Variants in CDK12 observed in about 807,000 individuals in gnomAD.
CDK12 encodes the protein cyclin-dependent kinase 12.
In CDK12, 17 loss-of-function variants were observed where a neutral mutation model predicts 133.8. That is an observed-to-expected ratio of 0.13 (90% CI 0.09 to 0.19). The LOEUF (loss-of-function observed/expected upper bound fraction) is 0.19. Among genes scored for constraint, CDK12 ranks in the 10% least tolerant of loss-of-function variants. The probability of loss-of-function intolerance (pLI) is 1.00; values close to 1 mark genes in which losing one functional copy is unlikely to be tolerated. For synonymous variants in CDK12, 694 were observed against 683.6 expected, an observed-to-expected ratio of 1.02 and a Z score of -0.24; for missense variants, 1,508 against 1,818.7, an observed-to-expected ratio of 0.83 and a Z score of 3.11.
intron 2 of CDK12, among the ~76,000 whole-genome samples, chr17:39,486,722 A>G (rs1018718908): frequency 2.0e-5 from 3 of 151,588 alleles, no homozygotes; most frequent in East Asian, 2.0e-4. Flanking sequence ...TAAAAAATCT[A>G]TGTTGGTGGG....
intron 13 of CDK12, among the ~76,000 whole-genome samples, chr17:39,528,631 A>T (rs1216755716): frequency 6.6e-6 from 1 of 152,190 alleles, no homozygotes; most frequent in South Asian, 2.1e-4. Flanking sequence ...CACCATGCCC[A>T]GCCTTTGCTA....
At chr17:39,497,529 C>G (rs1165016422) in intron 5 of CDK12, among the ~76,000 whole-genome samples, 1 of 147,118 alleles carries the variant, frequency 6.8e-6, no homozygotes, top group Non-Finnish European at 1.5e-5. Flanking sequence ...GGCAACAGAG[C>G]AAGACTCTGT....
intron 3 of CDK12, among the ~76,000 whole-genome samples, chr17:39,560,648 T>A (rs2056339530): frequency 6.6e-6 from 1 of 152,156 alleles, no homozygotes; most frequent in African/African-American, 2.4e-5. Context: ...AGAGAGATGT[T>A]GGGGGCAGGG....
At chr17:39,552,074 G>A (rs1350086824) in intron 2 of CDK12, among the ~76,000 whole-genome samples, 1 of 151,884 alleles carries the variant, frequency 6.6e-6, no homozygotes, top group Non-Finnish European at 1.5e-5. Flanking sequence ...CCTGAGAAGA[G>A]CAAGATCTGC....
intron 1 of CDK12, among the ~76,000 whole-genome samples, chr17:39,463,837 G>A (rs2049114122): frequency 6.6e-6 from 1 of 151,602 alleles, no homozygotes; most frequent in Non-Finnish European, 1.5e-5. Flanking sequence ...TTATATTTTT[G>A]CGAGAAAGGC....
chr17:39,529,211 A>T (rs551722461), intron 13 of CDK12, among the ~76,000 whole-genome samples: 2 of 152,256 alleles, frequency 1.3e-5, no homozygotes, highest in African/African-American at 2.4e-5. Flanking sequence ...CCCTGCTTGG[A>T]TGTTACATGT....
intron 9 of CDK12, 74 bp downstream of exon 9, chr17:39,515,882 A>G (rs1167777154): frequency 1.3e-5 from 12 of 946,408 alleles, no homozygotes; most frequent in Non-Finnish European, 2.0e-5. Context: ...AACACTTTCT[A>G]GTCATTCTGA....
At chr17:39,550,477 G>A (rs2055909941) in intron 1 of CDK12, 1 of 152,454 alleles carries the variant, frequency 6.6e-6, no homozygotes, top group South Asian at 2.1e-4. Context: ...GTTTTGTCTG[G>A]TTGGGCTTGT....
intron 9 of CDK12, 22 bp from the exon 10 acceptor site, chr17:39,517,418 C>A: frequency 1.4e-6 from 2 of 1,419,224 alleles, no homozygotes; most frequent in Non-Finnish European, 2.0e-6. Flanking sequence ...CTCCATTGTT[C>A]TTGCTTTTGC....
chr17:39,506,796 T>G (rs1165605237), intron 6 of CDK12, among the ~76,000 whole-genome samples: 1 of 152,192 alleles, frequency 6.6e-6, no homozygotes, highest in Non-Finnish European at 1.5e-5. Context: ...TCAGAAAGGA[T>G]TCTCCAGATA....
chr17:39,474,692 A>G (rs1411669955), intron 2 of CDK12, among the ~76,000 whole-genome samples: 1 of 151,738 alleles, frequency 6.6e-6, no homozygotes, highest in Non-Finnish European at 1.5e-5. Context: ...TCTGTTCTTT[A>G]GAGAAGATGC....
chr17:39,537,753 A>G (rs1244056580), downstream of CDK12, among the ~76,000 whole-genome samples: 1 of 151,744 alleles, frequency 6.6e-6, no homozygotes, highest in Non-Finnish European at 1.5e-5. Context: ...TAGTAGTGAC[A>G]GGGTTTCACC....
At chr17:39,523,462 C>G (rs996472736) in intron 11 of CDK12, among the ~76,000 whole-genome samples, 1 of 151,786 alleles carries the variant, frequency 6.6e-6, no homozygotes, top group East Asian at 1.9e-4. Context: ...GGCAACAGAG[C>G]AAGACTCTGT....
At chr17:39,520,822 G>A (rs545754569) in intron 11 of CDK12, among the ~76,000 whole-genome samples, 166 of 152,052 alleles carry the variant, frequency 1.1e-3, no homozygotes, top group Non-Finnish European at 2.0e-3. Context: ...CACCACACCC[G>A]GCTAATTTTT....
At chr17:39,498,005 T>C (rs970477544) in intron 5 of CDK12, among the ~76,000 whole-genome samples, 1 of 91,964 alleles carries the variant, frequency 1.1e-5, no homozygotes, top group Non-Finnish European at 2.5e-5. Flanking sequence ...CTTTCTCTCT[T>C]TCTTTCTTTT....
At chr17:39,556,517 A>G (rs182630947) in intron 3 of CDK12, 1 of 152,412 alleles carries the variant, frequency 6.6e-6, no homozygotes, top group East Asian at 1.9e-4. Context: ...CATTGGGCAC[A>G]CTGGTTTATT....
At chr17:39,492,445 TCG>T (rs2051707374) in intron 3 of CDK12, among the ~76,000 whole-genome samples, 1 of 125,792 alleles carries the variant, frequency 7.9e-6, no homozygotes. Context: ...TCTTGCTCTG[TCG>T]CCCAGGCTGG....
intron 8 of CDK12, among the ~76,000 whole-genome samples, chr17:39,512,070 G>A (rs2053538704): frequency 6.6e-6 from 1 of 151,934 alleles, no homozygotes; most frequent in Admixed American, 6.6e-5. Flanking sequence ...GTATTTTTTA[G>A]CATGATTTTT....
At chr17:39,510,609 TTCTCC>T (rs928166905) in intron 7 of CDK12, among the ~76,000 whole-genome samples, 7 of 126,614 alleles carry the variant, frequency 5.5e-5, no homozygotes, top group African/African-American at 1.6e-4. Context: ...TTCTCTTCTC[TTCTCC>T]TCCTTTTTCT....
Sources: gnomAD v4.1 joint callset for allele counts (sites outside exome capture counted in the v4.1 genomes callset) on GRCh38, gnomAD v4.1.1 for gene constraint, MANE v1.5 for transcripts, NCBI Gene and HGNC (gene_info 2026-07-23, HGNC 2026-07-21) for gene names.